Variants in CD164 observed in about 807,000 individuals in gnomAD.
CD164 encodes the protein CD164 molecule, also known as sialomucin core protein 24.
Under a neutral mutation model 24.6 loss-of-function variants are expected in CD164, and 11 were observed. The ratio of observed to expected loss-of-function variants is 0.45; its 90% CI spans 0.28 to 0.74. The LOEUF (loss-of-function observed/expected upper bound fraction) is 0.74. Ranked by LOEUF, CD164 falls within the 30% of genes least tolerant of loss-of-function variation. The pLI, the probability that CD164 is intolerant of heterozygous loss-of-function variation, is 0.13. For missense variants in CD164, 295 were observed against 243.7 expected (o/e 1.21, Z -1.40); for synonymous variants, 126 against 100.3 (o/e 1.26, Z -1.53).
chr6:109,380,052 C>G (rs1478436626), intron 1 of CD164: 7 of 153,874 alleles, frequency 4.5e-5, no homozygotes, highest in African/African-American at 1.5e-4. Flanking sequence ...ACCACTACCC[C>G]CAAACATCAG....
At position 109,368,250 on chromosome 6, in the gene CD164, A is replaced by G; in HGVS notation, c.*601T>C. On this transcript the variant is annotated 3_prime_UTR_variant, in exon 6 of 6. Coordinates refer to ENST00000310786, the MANE Select transcript of CD164 (RefSeq NM_006016.6). ...AAGATGCTTTACAAGTATGAACAAT[A>G]ATCTGTTATACACACTAATGGTATC... The G allele has an allele frequency of 6.6e-7, 1 of 1,522,042 alleles. No individual in the cohort carries two copies. Among genetic ancestry groups the G allele is most frequent in the Non-Finnish European group, 8.8e-7 (1 of 1,131,624 alleles). The allele number at this position is 1,522,042 out of a possible 1,614,324, so 94.3% of individuals were successfully genotyped here.
intron 4 of CD164, among the ~76,000 whole-genome samples, chr6:109,373,871 C>T (rs1771246241): frequency 6.6e-6 from 1 of 152,174 alleles, no homozygotes; most frequent in Non-Finnish European, 1.5e-5. Context: ...TTTCAAGTTA[C>T]CAACATGGTA....
chr6:109,382,088 G>C, intron 1 of CD164, 116 bp downstream of exon 1: 1 of 927,058 alleles, frequency 1.1e-6, no homozygotes. Context: ...GCCGCACCCC[G>C]AGCGCGGCCC....
chr6:109,372,194 T>A (rs1410226345), intron 4 of CD164: 4 of 152,186 alleles, frequency 2.6e-5, no homozygotes, highest in Non-Finnish European at 5.9e-5. Flanking sequence ...GGAATCAGCA[T>A]CCTCCCAAAT....
At chr6:109,374,883 A>G (rs1017371572) in intron 4 of CD164, among the ~76,000 whole-genome samples, 6 of 152,118 alleles carry the variant, frequency 3.9e-5, no homozygotes, top group Admixed American at 3.9e-4. Context: ...CCCAATACAC[A>G]TTCCTTCTTA....
intron 2 of CD164, among the ~76,000 whole-genome samples, chr6:109,378,888 TAAAA>T (rs397783643): frequency 6.7e-5 from 10 of 148,968 alleles, no homozygotes; most frequent in Non-Finnish European, 6.0e-5. Context: ...TGTTTTTACT[TAAAA>T]AAAAAACCGC....
At chr6:109,377,758 A>C (rs1771496190) in intron 3 of CD164, 142 bp downstream of exon 3, 1 of 660,622 alleles carries the variant, frequency 1.5e-6, no homozygotes, top group Admixed American at 2.3e-5. Context: ...AATCAATATG[A>C]ATATACTATT....
Position 109,382,452 on chromosome 6 carries a change from C to A in CD164, c.-74G>T. 1.5e-6 allele frequency: 2 copies of A among 1,343,550 alleles called. No homozygotes were observed. The highest frequency in any genetic ancestry group is 1.6e-5 in the South Asian group (1 of 61,486). 83.2% of individuals were successfully genotyped at this position (1,343,550 alleles called of 1,614,324 possible). ...CAGTCAACCCCTCAATCCCCTGCGGCGCCGCCTCCGAGACTACGCTCCCCC... is the reference window on the plus strand; with the variant it reads ...CAGTCAACCCCTCAATCCCCTGCGGAGCCGCCTCCGAGACTACGCTCCCCC... On this transcript the variant is annotated 5_prime_UTR_variant, in exon 1 of 6. Transcript: ENST00000310786.
At chr6:109,372,187 A>C (rs570114586) in intron 4 of CD164, 13 of 152,340 alleles carry the variant, frequency 8.5e-5, no homozygotes, top group African/African-American at 2.9e-4. Flanking sequence ...CTCAATAGGA[A>C]TCAGCATCCT....
rs374226335 is a variant in CD164 at position 109,368,045 on chromosome 6, A to G, written c.*806T>C. 1 of 337,632 alleles carries G rather than the reference A, an allele frequency of 3.0e-6. No homozygotes were observed. Among genetic ancestry groups the G allele is most frequent in the Non-Finnish European group, 5.4e-6 (1 of 186,166 alleles). The allele number at this position is 337,632 out of a possible 1,614,324, so 20.9% of individuals were successfully genotyped here. A position where few individuals can be genotyped will look rare whatever the true frequency, so the allele number is the denominator to read the frequency against. On this transcript the variant is annotated 3_prime_UTR_variant, in exon 6 of 6. Transcript: ENST00000310786. ...GCTTAAGTTTCTCCGCTCTGAAATA[A>G]ATTTTCAATAAAATATTAACAGTAT...
intron 3 of CD164, among the ~76,000 whole-genome samples, chr6:109,376,462 G>A (rs1426177960): frequency 1.3e-5 from 2 of 152,172 alleles, no homozygotes; most frequent in Non-Finnish European, 2.9e-5. Flanking sequence ...TCAATGTGAT[G>A]GCTGGAACAT....
Position 109,379,655 on chromosome 6 carries a change from A to C in CD164, c.183T>G (p.Cys61Trp), listed in dbSNP as rs1217957418. The C allele has an allele frequency of 6.2e-7, 1 of 1,612,846 alleles. No homozygotes were observed. The highest frequency in any genetic ancestry group is 1.7e-5 in the Admixed American group (1 of 59,830). ...AGGAAACGCAGCTGTTTCGACCTTCACAGGTTTCTGGGGAGTTGGGGGGAG... is the reference window on the plus strand; with the variant it reads ...AGGAAACGCAGCTGTTTCGACCTTCCCAGGTTTCTGGGGAGTTGGGGGGAG... The part of the protein sequence containing the change: ...PLVTTPAPET[C>W]EGRNSCVSCF... The change falls in exon 2 of 6, where the codon TGT (cysteine) becomes TGG (tryptophan). Residue 61 changes from cysteine to tryptophan, a missense_variant. Cys to Trp is a radical substitution (Grantham distance 215, BLOSUM62 -2). Transcript: ENST00000310786.
rs1259125786 is a variant in CD164 at position 109,376,794 on chromosome 6, A to G, written c.332-682T>C. Among the ~76,000 whole-genome samples, 10 of 152,230 alleles carry G rather than the reference A, an allele frequency of 6.6e-5. No individual in the cohort carries two copies. The East Asian group carries it at 1.9e-3, about 29-fold the overall frequency. On this transcript the variant is annotated intron_variant, in intron 3 of 5. Coordinates refer to ENST00000310786, the MANE Select transcript of CD164 (RefSeq NM_006016.6). Reference sequence around the variant, plus strand: ...TGTCTCTAAGCAATATTACAAAACCACAGGTCTGACAGTTATTAGTTTATC... The same window carrying G: ...TGTCTCTAAGCAATATTACAAAACCGCAGGTCTGACAGTTATTAGTTTATC...
chr6:109,378,954 A>C (rs1474089563), intron 2 of CD164, among the ~76,000 whole-genome samples: 1 of 152,156 alleles, frequency 6.6e-6, no homozygotes, highest in African/African-American at 2.4e-5. Flanking sequence ...ACATTAAAAA[A>C]CAATTAAAAT....
At chr6:109,369,288 G>A (rs935361194) in intron 5 of CD164, among the ~76,000 whole-genome samples, 1 of 152,148 alleles carries the variant, frequency 6.6e-6, no homozygotes, top group African/African-American at 2.4e-5. Context: ...TGTGCCCTGG[G>A]AATGTATCAA....
In CD164 at chr6:109,376,104, C is replaced by A; in HGVS notation, c.340G>T (p.Ala114Ser). The change falls in exon 4 of 6, where the codon GCC becomes TCC. Residue 114 changes from alanine (A) to serine (S), a missense_variant. Ala to Ser is a moderately conservative substitution (Grantham distance 99). Transcript: ENST00000310786. Reference protein sequence around the residue: ...NTTDFCSVSTATPVPTANSTA... With the variant: ...NTTDFCSVSTSTPVPTANSTA... ...GAATTGGCTGTTGGCACTGGAGTGG[C>A]CGTGGAAACTATTAAAAAAAGAAAA... 1.3e-6 allele frequency: 2 copies of A among 1,564,552 alleles called. No individual in the cohort carries two copies. Among genetic ancestry groups the A allele is most frequent in the Non-Finnish European group, 1.7e-6 (2 of 1,166,706 alleles).
chr6:109,370,570 A>T, intron 4 of CD164, 103 bp from the exon 5 acceptor site: 2 of 1,052,498 alleles, frequency 1.9e-6, no homozygotes, highest in South Asian at 1.5e-5. Flanking sequence ...ACATGCTTTC[A>T]ATTTTTTAGA....
chr6:109,375,552 G>A (rs1219595283), intron 4 of CD164, among the ~76,000 whole-genome samples: 1 of 148,876 alleles, frequency 6.7e-6, no homozygotes, highest in African/African-American at 2.5e-5. Flanking sequence ...GGGAGGGGAA[G>A]GTTGCAGTGA....
At chr6:109,375,925 T>TA in intron 4 of CD164, 149 bp downstream of exon 4, 1 of 616,298 alleles carries the variant, frequency 1.6e-6, no homozygotes, top group Non-Finnish European at 2.8e-6. Flanking sequence ...AGGTAGAGAT[T>TA]AACGTTAATT....
Sources: allele counts gnomAD v4.1 joint callset (sites outside exome capture counted in the v4.1 genomes callset), GRCh38; gene constraint gnomAD v4.1.1; transcripts MANE v1.5; gene names NCBI Gene and HGNC (gene_info 2026-07-23, HGNC 2026-07-21).